NLGN4X: variants seen among roughly 807,000 people sequenced by gnomAD.
NLGN4X encodes neuroligin 4 X-linked.
NLGN4X carries 3 observed loss-of-function variants against 40.3 expected under a neutral mutation model. That is an observed-to-expected ratio of 0.07 (90% CI 0.03 to 0.19). The LOEUF is 0.19. Among genes scored for constraint, NLGN4X ranks in the 10% least tolerant of loss-of-function variants. The probability of loss-of-function intolerance (pLI) is 1.00; values close to 1 mark genes in which losing one functional copy is unlikely to be tolerated. For missense variants in NLGN4X, 382 were observed against 708.3 expected (o/e 0.54, Z 5.23); for synonymous variants, 270 against 306.8 (o/e 0.88, Z 1.25).
At chrX:5,926,533 G>A (rs1601898316) in intron 3 of NLGN4X, among the ~76,000 whole-genome samples, 1 of 110,341 alleles carries the variant, frequency 9.1e-6, no homozygotes, top group Non-Finnish European at 1.9e-5. Context: ...TCAGGAAAAT[G>A]CGATCGTGGC....
intron 3 of NLGN4X, among the ~76,000 whole-genome samples, chrX:5,958,107 G>A (rs1204152676): frequency 9.0e-6 from 1 of 111,511 alleles, no homozygotes; most frequent in African/African-American, 3.3e-5. Flanking sequence ...ATGGACATGT[G>A]GAATGGAGTT....
rs1016651092 is a variant in NLGN4X, at chrX:6,037,267, C to T, written c.473-7835G>A. Among the ~76,000 whole-genome samples, 4 of 107,490 alleles carry T rather than the reference C, an allele frequency of 3.7e-5. No individual in the cohort carries two copies. The East Asian group carries it at 8.7e-4, about 24-fold the overall frequency. The allele number at this position is 107,490 out of a possible 115,157, so 93.3% of individuals were successfully genotyped here. ...GTTGCAGTGAGCTGAGATCGCCCTGCTGCACTCCAGCCTGGGTGAAACAGC... is the reference window on the plus strand; with the variant it reads ...GTTGCAGTGAGCTGAGATCGCCCTGTTGCACTCCAGCCTGGGTGAAACAGC... On this transcript the variant is annotated intron_variant, in intron 2 of 5. Transcript: ENST00000381095.
chrX:5,911,524 C>T (rs773801391), intron 3 of NLGN4X, among the ~76,000 whole-genome samples: 5 of 112,241 alleles, frequency 4.5e-5, no homozygotes, highest in East Asian at 2.8e-4. Context: ...CTGAGGGAAA[C>T]GACAATCCAT....
intron 2 of NLGN4X, among the ~76,000 whole-genome samples, chrX:6,113,192 G>A (rs185544079): frequency 1.5e-4 from 17 of 110,934 alleles, no homozygotes; most frequent in African/African-American, 4.6e-4. Context: ...AAATACCAAC[G>A]AAATCAGAAG....
chrX:6,004,909 C>T (rs1002493234), intron 3 of NLGN4X, among the ~76,000 whole-genome samples: 5 of 111,571 alleles, frequency 4.5e-5, no homozygotes, highest in African/African-American at 1.6e-4. Context: ...GGGATAAATG[C>T]AGCCCACTGA....
chrX:5,927,954 C>T (rs140985259), intron 3 of NLGN4X, among the ~76,000 whole-genome samples: 94 of 111,914 alleles, frequency 8.4e-4, no homozygotes, highest in African/African-American at 2.8e-3. Flanking sequence ...TTGTAGAATC[C>T]CAGTATATGG....
intron 2 of NLGN4X, among the ~76,000 whole-genome samples, chrX:6,103,897 G>C (rs1022665594): frequency 1.8e-5 from 2 of 112,272 alleles, no homozygotes; most frequent in African/African-American, 6.5e-5. Context: ...CCATAACTTT[G>C]TGGTACATGA....
At chrX:5,986,425 G>A (rs1273194690) in intron 3 of NLGN4X, among the ~76,000 whole-genome samples, 1 of 110,586 alleles carries the variant, frequency 9.0e-6, no homozygotes, top group Non-Finnish European at 1.9e-5. Flanking sequence ...TATATTCCCT[G>A]TGTGGTTTCA....
At chrX:6,134,831 G>C (rs1285810588) in intron 2 of NLGN4X, among the ~76,000 whole-genome samples, 1 of 112,541 alleles carries the variant, frequency 8.9e-6, no homozygotes, top group Non-Finnish European at 1.9e-5. Context: ...TGAGCAGAAA[G>C]AGCAGGCTGA....
At chrX:5,988,205 T>A (rs182268093) in intron 3 of NLGN4X, among the ~76,000 whole-genome samples, 8 of 112,236 alleles carry the variant, frequency 7.1e-5, no homozygotes, top group African/African-American at 1.9e-4. Flanking sequence ...TATTCCTAGA[T>A]GTGAAACTCC....
intron 1 of NLGN4X, among the ~76,000 whole-genome samples, chrX:6,189,132 A>G (rs993951705): frequency 3.6e-5 from 4 of 112,398 alleles, no homozygotes; most frequent in African/African-American, 1.3e-4. Flanking sequence ...TTAGCAGCAG[A>G]GCTGGATTAC....
At chrX:5,974,865 C>A (rs2147036652) in intron 3 of NLGN4X, among the ~76,000 whole-genome samples, 1 of 112,088 alleles carries the variant, frequency 8.9e-6, no homozygotes, top group South Asian at 3.8e-4. Flanking sequence ...TAACACTATG[C>A]CAGCATCACT....
intron 5 of NLGN4X, among the ~76,000 whole-genome samples, 182 bp from the exon 6 acceptor site, chrX:5,893,848 CT>C (rs1187062280): frequency 8.9e-6 from 1 of 112,280 alleles, no homozygotes; most frequent in African/African-American, 3.2e-5. Flanking sequence ...ACCATGTTGT[CT>C]TTTCCTTTAA....
chrX:6,109,949 C>A (rs1218058014), intron 2 of NLGN4X, among the ~76,000 whole-genome samples: 1 of 110,539 alleles, frequency 9.0e-6, no homozygotes, highest in Non-Finnish European at 1.9e-5. Flanking sequence ...GTACAAATGT[C>A]AGCATCACCT....
At chrX:5,968,151 G>A (rs906052406) in intron 3 of NLGN4X, among the ~76,000 whole-genome samples, 3 of 109,881 alleles carry the variant, frequency 2.7e-5, no homozygotes, top group African/African-American at 1.0e-4. Flanking sequence ...ATACTGAAAG[G>A]AAACTGGAGA....
chrX:5,898,332 G>A (rs755550178), intron 5 of NLGN4X, among the ~76,000 whole-genome samples: 4 of 77,554 alleles, frequency 5.2e-5, no homozygotes, highest in Admixed American at 1.8e-4. Context: ...CCCTCCCTTC[G>A]TTCCTTTGTC....
intron 3 of NLGN4X, among the ~76,000 whole-genome samples, chrX:5,954,666 G>C (rs867401588): frequency 9.4e-5 from 9 of 96,208 alleles, no homozygotes; most frequent in Non-Finnish European, 4.2e-5. Context: ...CTCTCTCTCT[G>C]TCTCTCTTGC....
intron 2 of NLGN4X, among the ~76,000 whole-genome samples, chrX:6,032,405 CAAAA>C (rs34229775): frequency 3.0e-5 from 2 of 65,671 alleles, no homozygotes; most frequent in Admixed American, 1.8e-4. Context: ...GCGACCAAGC[CAAAA>C]AAAAAAAAAA....
chrX:5,939,335 GA>G (rs1455067273), intron 3 of NLGN4X, among the ~76,000 whole-genome samples: 1 of 110,602 alleles, frequency 9.0e-6, no homozygotes, highest in Non-Finnish European at 1.9e-5. Context: ...GAGAGATGGT[GA>G]AAAATCAAAT....
Sources: gnomAD v4.1 joint callset for allele counts (sites outside exome capture counted in the v4.1 genomes callset) on GRCh38, gnomAD v4.1.1 for gene constraint, MANE v1.5 for transcripts, NCBI Gene and HGNC (gene_info 2026-07-23, HGNC 2026-07-21) for gene names.